ARHGAP10: variants seen among roughly 807,000 people sequenced by gnomAD.
ARHGAP10 encodes the protein rho GTPase-activating protein 10.
In ARHGAP10, 87 loss-of-function variants were observed where a neutral mutation model predicts 108.6. The ratio of observed to expected loss-of-function variants is 0.80; its 90% CI spans 0.67 to 0.96. ARHGAP10 has a LOEUF of 0.96. Ranked by LOEUF, ARHGAP10 falls within the 40% of genes least tolerant of loss-of-function variation. The pLI is 0.00. For synonymous variants in ARHGAP10, 347 were observed against 341.1 expected (o/e 1.02, Z -0.19); for missense variants, 939 against 954.5 (o/e 0.98, Z 0.21).
chr4:147,925,280 T>C (rs1170985944), intron 13 of ARHGAP10, among the ~76,000 whole-genome samples: 1 of 152,216 alleles, frequency 6.6e-6, no homozygotes, highest in Non-Finnish European at 1.5e-5. Flanking sequence ...TAGTACCTGC[T>C]GCTACAGCTG....
chr4:148,067,588 T>C (rs931832740), intron 22 of ARHGAP10, among the ~76,000 whole-genome samples: 3 of 152,238 alleles, frequency 2.0e-5, no homozygotes, highest in African/African-American at 7.2e-5. Context: ...CAAGACATTT[T>C]TCCTGTGTTC....
intron 19 of ARHGAP10, among the ~76,000 whole-genome samples, chr4:148,027,908 T>G (rs1321459005): frequency 2.6e-5 from 4 of 152,124 alleles, no homozygotes; most frequent in Non-Finnish European, 4.4e-5. Flanking sequence ...TTTTTTTGCC[T>G]CTACCATTTA....
At chr4:147,998,551 T>C (rs1740567254) in intron 18 of ARHGAP10, among the ~76,000 whole-genome samples, 1 of 152,370 alleles carries the variant, frequency 6.6e-6, no homozygotes, top group South Asian at 2.1e-4. Context: ...TCAGTTTTAC[T>C]TACCAATATT....
intron 18 of ARHGAP10, among the ~76,000 whole-genome samples, chr4:148,004,886 C>G (rs1432446375): frequency 6.6e-6 from 1 of 152,322 alleles, no homozygotes; most frequent in East Asian, 1.9e-4. Context: ...TTATTTAAAG[C>G]ATGAGTCAGA....
intron 13 of ARHGAP10, among the ~76,000 whole-genome samples, chr4:147,934,199 C>T (rs1737831720): frequency 6.6e-6 from 1 of 152,200 alleles, no homozygotes; most frequent in Non-Finnish European, 1.5e-5. Context: ...GTTTCAACTG[C>T]AGGCTCAAGG....
chr4:148,006,338 G>A (rs753190500), intron 18 of ARHGAP10, among the ~76,000 whole-genome samples: 2 of 152,204 alleles, frequency 1.3e-5, no homozygotes, highest in African/African-American at 2.4e-5. Context: ...CAGACATGAC[G>A]TGGGGAAAAC....
chr4:147,959,303 T>C (rs1308293462), intron 16 of ARHGAP10, among the ~76,000 whole-genome samples: 1 of 152,018 alleles, frequency 6.6e-6, no homozygotes, highest in African/African-American at 2.4e-5. Flanking sequence ...TTAAAATAGA[T>C]TAGGATGGGC....
intron 18 of ARHGAP10, among the ~76,000 whole-genome samples, chr4:147,983,782 T>C (rs574079779): frequency 6.6e-6 from 1 of 152,204 alleles, no homozygotes; most frequent in East Asian, 1.9e-4. Context: ...TATCCTGGAT[T>C]CTTTATATGT....
intron 18 of ARHGAP10, among the ~76,000 whole-genome samples, chr4:148,017,630 T>G (rs1741393572): frequency 7.0e-6 from 1 of 142,250 alleles, no homozygotes; most frequent in Non-Finnish European, 1.5e-5. Flanking sequence ...TAATGAGAGC[T>G]GTGACAGTTA....
At chr4:148,013,822 C>T (rs145731431) in intron 18 of ARHGAP10, among the ~76,000 whole-genome samples, 8 of 152,282 alleles carry the variant, frequency 5.3e-5, no homozygotes, top group African/African-American at 1.9e-4. Flanking sequence ...TTTACTTATA[C>T]TCAGTTTAAA....
At chr4:147,955,431 C>A in intron 16 of ARHGAP10, 57 bp downstream of exon 16, 1 of 1,441,866 alleles carries the variant, frequency 6.9e-7, no homozygotes, top group South Asian at 1.2e-5. Context: ...TGAGCATAAA[C>A]GAAAAATTTC....
chr4:147,925,097 C>A (rs765169318), intron 13 of ARHGAP10, among the ~76,000 whole-genome samples: 10 of 152,066 alleles, frequency 6.6e-5, no homozygotes, highest in Non-Finnish European at 1.5e-4. Flanking sequence ...TAACCTCTTC[C>A]TCTTCAGTGA....
chr4:147,941,336 T>G (rs1309663539), intron 14 of ARHGAP10, among the ~76,000 whole-genome samples: 1 of 152,164 alleles, frequency 6.6e-6, no homozygotes, highest in Admixed American at 6.6e-5. Flanking sequence ...AATTTGTTGG[T>G]CATCTCATAA....
intron 4 of ARHGAP10, among the ~76,000 whole-genome samples, chr4:147,852,911 G>A (rs1331085175): frequency 6.6e-6 from 1 of 151,358 alleles, no homozygotes; most frequent in Non-Finnish European, 1.5e-5. Flanking sequence ...AGAGATGGGG[G>A]GTTTCACCAT....
At chr4:147,813,244 G>A (rs1455668801) in intron 1 of ARHGAP10, among the ~76,000 whole-genome samples, 1 of 151,964 alleles carries the variant, frequency 6.6e-6, no homozygotes, top group Non-Finnish European at 1.5e-5. Flanking sequence ...GCCTATACCC[G>A]AGTTGTCACT....
chr4:147,748,961 A>T (rs1348588428), intron 1 of ARHGAP10, among the ~76,000 whole-genome samples: 2 of 146,786 alleles, frequency 1.4e-5, no homozygotes, highest in Non-Finnish European at 3.0e-5. Flanking sequence ...CCTGTGTCTT[A>T]AAAAAAGAAA....
chr4:147,862,062 AG>A (rs1734342760), intron 5 of ARHGAP10: 1 of 152,320 alleles, frequency 6.6e-6, no homozygotes, highest in African/African-American at 2.4e-5. Context: ...ATGGCGCCCA[AG>A]GTATTTGTGC....
intron 19 of ARHGAP10, among the ~76,000 whole-genome samples, chr4:148,026,649 G>A (rs1190173470): frequency 6.6e-6 from 1 of 152,012 alleles, no homozygotes; most frequent in Non-Finnish European, 1.5e-5. Context: ...ATAGTATCTG[G>A]CTAGTTTTCT....
chr4:147,872,570 C>G (rs1734874106), intron 7 of ARHGAP10, among the ~76,000 whole-genome samples: 1 of 152,102 alleles, frequency 6.6e-6, no homozygotes, highest in African/African-American at 2.4e-5. Context: ...TTTGACTTCC[C>G]CCAAATTTGA....
Sources: allele counts gnomAD v4.1 joint callset (sites outside exome capture counted in the v4.1 genomes callset), GRCh38; gene constraint gnomAD v4.1.1; transcripts MANE v1.5; gene names NCBI Gene and HGNC (gene_info 2026-07-23, HGNC 2026-07-21).